The following ALPP variants were observed in gnomAD, a reference collection of about 807,000 sequenced individuals.
ALPP encodes alkaline phosphatase, placental type.
A neutral mutation model predicts 50.7 loss-of-function variants in ALPP; 39 were observed. That is an observed-to-expected ratio of 0.77 (90% CI 0.60 to 1.00). The LOEUF is 1.00. Among genes scored for constraint, ALPP ranks in the 50% least tolerant of loss-of-function variants. The pLI is 0.00. For missense variants in ALPP, 550 were observed against 746.8 expected (o/e 0.74, Z 3.07); for synonymous variants, 226 against 320.3 (o/e 0.71, Z 3.14).
In ALPP at chr2:232,379,854, C is replaced by G. The variant is rs147926516; in HGVS notation, c.575C>G (p.Ser192Trp). Residue 192 changes from serine (S) to tryptophan (W), a missense_variant, in exon 5 of 11, where the codon TCG becomes TGG. Ser to Trp is a radical substitution (Grantham distance 177, BLOSUM62 -3). Coordinates refer to ENST00000392027, the MANE Select transcript of ALPP (RefSeq NM_001632.5). ...CACACGGTGAACCGCAACTGGTACT[C>G]GGACGCCGACGTGCCTGCCTCCGCC... The part of the protein sequence containing the change: ...YAHTVNRNWY[S>W]DADVPASARQ... The G allele has an allele frequency of 1.7e-3, 2,699 of 1,613,550 alleles. 3 individuals are homozygous for G. The highest frequency in any genetic ancestry group is 4.9e-3 in the Admixed American group (293 of 60,018).
intron 9 of ALPP, 102 bp from the exon 10 acceptor site, chr2:232,381,149 G>A: frequency 1.7e-5 from 28 of 1,604,270 alleles, no homozygotes; most frequent in Non-Finnish European, 2.3e-5. Flanking sequence ...AGGGTCTCCT[G>A]AGGACTAAGC....
At position 232,379,707 on chromosome 2, in the gene ALPP, T is replaced by G. The variant is rs779808754; in HGVS notation, c.484+20T>G. 440 of 1,613,896 alleles carry G rather than the reference T, an allele frequency of 2.7e-4. No individual in the cohort carries two copies. Among genetic ancestry groups the G allele is most frequent in the Non-Finnish European group, 3.6e-4 (420 of 1,180,006 alleles). On this transcript the variant is annotated intron_variant, in intron 4 of 10. Coordinates refer to ENST00000392027, the MANE Select transcript of ALPP (RefSeq NM_001632.5). ...AAGCAGGTGAGCTGGGGCCCGCTGC[T>G]GGGTCACGGCCAGGTCACAGACGTT...
chr2:232,382,335 A>ACC lies in ALPP; in HGVS notation c.*546_*547dup, dbSNP rs1347722027. 6.3e-6 allele frequency: 1 copy of ACC among 158,652 alleles called. No homozygotes were observed. The highest frequency in any genetic ancestry group is 2.4e-5 in the African/African-American group (1 of 41,238). 9.8% of individuals were successfully genotyped at this position (158,652 alleles called of 1,614,324 possible). A position where few individuals can be genotyped will look rare whatever the true frequency, so the allele number is the denominator to read the frequency against. ...CACTAAGCTAATTCCACACCCCTGT[A>ACC]CCCCCCCAGGGGGCCCTCTGCCTCA... On this transcript the variant is annotated 3_prime_UTR_variant, in exon 11 of 11. Coordinates refer to ENST00000392027, the MANE Select transcript of ALPP (RefSeq NM_001632.5).
At position 232,381,978 on chromosome 2, in the gene ALPP, C is replaced by G. The variant is rs1696726908; in HGVS notation, c.*183C>G. 6.9e-6 allele frequency: 7 copies of G among 1,019,920 alleles called. No individual in the cohort carries two copies. The Admixed American group carries it at 1.4e-4, about 21-fold the overall frequency. The allele number at this position is 1,019,920 out of a possible 1,614,324, so 63.2% of individuals were successfully genotyped here. A position where few individuals can be genotyped will look rare whatever the true frequency, so the allele number is the denominator to read the frequency against. Reference sequence around the variant, plus strand: ...TGAGCCCATGACACCAAACCTGCCCCTTGGCTGCTCTCGGACTCCCTACCC... The same window carrying G: ...TGAGCCCATGACACCAAACCTGCCCGTTGGCTGCTCTCGGACTCCCTACCC... On this transcript the variant is annotated 3_prime_UTR_variant, in exon 11 of 11. Coordinates refer to ENST00000392027, the MANE Select transcript of ALPP (RefSeq NM_001632.5).
Position 232,380,329 on chromosome 2 carries a change from G to A in ALPP, c.792+9G>A. 3.1e-6 allele frequency: 5 copies of A among 1,613,628 alleles called. No homozygotes were observed. The highest frequency in any genetic ancestry group is 4.2e-6 in the Non-Finnish European group (5 of 1,179,962). Reference sequence around the variant, plus strand: ...GGCTGGCGAAGCGCCAGGTGATGGGGGCTGGCGGGTGCAGGGGGCACAGCA... The same window carrying A: ...GGCTGGCGAAGCGCCAGGTGATGGGAGCTGGCGGGTGCAGGGGGCACAGCA... On this transcript the variant is annotated intron_variant, in intron 6 of 10. Transcript: ENST00000392027.
rs766368940 is a variant in ALPP, at chr2:232,379,952, C to T, written c.657+16C>T. 6 of 1,595,626 alleles carry T rather than the reference C, an allele frequency of 3.8e-6. No individual in the cohort carries two copies. Among genetic ancestry groups the T allele is most frequent in the Non-Finnish European group, 4.3e-6 (5 of 1,170,786 alleles). On this transcript the variant is annotated intron_variant, in intron 5 of 10. Coordinates refer to ENST00000392027, the MANE Select transcript of ALPP (RefSeq NM_001632.5). ...GGACATTGACGTGCGACCCCCAGGC[C>T]AAGGGCTGGGGCTGGGCAGAGAGTA...
At chr2:232,381,458 T>C (rs899762076) in intron 10 of ALPP, 39 bp from the exon 11 acceptor site, 2 of 1,612,408 alleles carry the variant, frequency 1.2e-6, no homozygotes, top group African/African-American at 2.7e-5. Flanking sequence ...TGCCTGGAAC[T>C]GAATGAACCC....
rs776203558 is a variant in ALPP, at chr2:232,381,386, C to G, written c.1309+19C>G. The G allele has an allele frequency of 6.2e-7, 1 of 1,602,898 alleles. No individual in the cohort carries two copies. The highest frequency in any genetic ancestry group is 8.5e-7 in the Non-Finnish European group (1 of 1,171,004). On this transcript the variant is annotated intron_variant, in intron 10 of 10. Transcript: ENST00000392027. The stretch of plus-strand genomic sequence containing the variant: ...GAGAGCGGTGAGTGCCGCGGGGTGG[C>G]CCCCTGAGGGGGACCAGGGTGCCAA...
In ALPP at chr2:232,379,930, C is replaced by T. The variant is rs1229901339; in HGVS notation, c.651C>T (p.Asp217=). 21 of 1,605,024 alleles carry T rather than the reference C, an allele frequency of 1.3e-5. No homozygotes were observed. The highest frequency in any genetic ancestry group is 1.8e-5 in the Non-Finnish European group (21 of 1,175,462). ...DIATQLISNM[D]IDVILGGGRK... ...CTACGCAGCTCATCTCCAACATGGA[C>T]ATTGACGTGCGACCCCCAGGCCAAG... The change falls in exon 5 of 11, where the codon GAC becomes GAT. Residue 217 remains aspartate (D), a synonymous_variant. Coordinates refer to ENST00000392027, the MANE Select transcript of ALPP (RefSeq NM_001632.5).
Position 232,379,686 on chromosome 2 carries a change from A to C in ALPP, c.483A>C (p.Ala161=). 6.2e-7 allele frequency: 1 copy of C among 1,614,010 alleles called. No individual in the cohort carries two copies. Among genetic ancestry groups the C allele is most frequent in the Non-Finnish European group, 8.5e-7 (1 of 1,179,974 alleles). Reference sequence around the variant, plus strand: ...CCGTGATGAATCGGGCCAAGAAAGCAGGTGAGCTGGGGCCCGCTGCTGGGT... The same window carrying C: ...CCGTGATGAATCGGGCCAAGAAAGCCGGTGAGCTGGGGCCCGCTGCTGGGT... ...VISVMNRAKK[A]GKSVGVVTTT... Residue 161 remains alanine, a splice_region_variant and synonymous_variant, in exon 4 of 11, where the codon GCA becomes GCC. Transcript: ENST00000392027.
In ALPP at chr2:232,378,845, C is replaced by T. The variant is rs1222775713; in HGVS notation, c.43C>T (p.Leu15=). Residue 15 remains leucine (L), a synonymous_variant, in exon 1 of 11, where the codon CTG becomes TTG. Coordinates refer to ENST00000392027, the MANE Select transcript of ALPP (RefSeq NM_001632.5). ...CMLLLLLLLG[L]RLQLSLGIIP... is the part of the protein sequence containing the mutation. Reference sequence around the variant, plus strand: ...GCTGCTGCTGCTGCTGCTGCTGGGCCTGAGGCTACAGCTCTCCCTGGGCAT... The same window carrying T: ...GCTGCTGCTGCTGCTGCTGCTGGGCTTGAGGCTACAGCTCTCCCTGGGCAT... The T allele has an allele frequency of 1.2e-6, 2 of 1,614,070 alleles. No homozygotes were observed. The highest frequency in any genetic ancestry group is 1.7e-6 in the Non-Finnish European group (2 of 1,180,010).
At chr2:232,379,452 G>T in intron 3 of ALPP, 61 bp from the exon 4 acceptor site, 1 of 1,605,890 alleles carries the variant, frequency 6.2e-7, no homozygotes, top group Admixed American at 1.7e-5. Flanking sequence ...AGAGGACAGA[G>T]ATCAGGGTCT....
Position 232,380,207 on chromosome 2 carries a change from A to G in ALPP, c.679A>G (p.Lys227Glu). ...CCAGGTGATCCTAGGTGGAGGCCGA[A>G]AGTACATGTTTCGCATGGGAACCCC... is the stretch of plus-strand genomic sequence containing the variant. ...DIDVILGGGR[K>E]YMFRMGTPDP... is the part of the protein sequence containing the mutation. The change falls in exon 6 of 11, where the codon AAG becomes GAG. Residue 227 changes from lysine to glutamate, a missense_variant. By Grantham distance (56) the Lys-to-Glu change is moderately conservative (BLOSUM62 1). Around this residue, in one of 5 missense-constraint regions of ALPP, gnomAD observed 376 missense variants for 388.5 expected, o/e 0.97. Transcript: ENST00000392027. 1 of 1,614,110 alleles carries G rather than the reference A, an allele frequency of 6.2e-7. No homozygotes were observed. Among genetic ancestry groups the G allele is most frequent in the East Asian group, 2.2e-5 (1 of 44,850 alleles).
In ALPP at chr2:232,379,102, C is replaced by A; in HGVS notation, c.193+15C>A. On this transcript the variant is annotated intron_variant, in intron 2 of 10. Coordinates refer to ENST00000392027, the MANE Select transcript of ALPP (RefSeq NM_001632.5). ...CCTGGGCGATGGTGAGTGAGCCAGG[C>A]CTTCCAGCCCTGCAGCCCTCACAGC... 1 of 1,614,132 alleles carries A rather than the reference C, an allele frequency of 6.2e-7. No homozygotes were observed. The highest frequency in any genetic ancestry group is 8.5e-7 in the Non-Finnish European group (1 of 1,180,014).
rs750792069 is a variant in ALPP at position 232,379,702 on chromosome 2, G to A, written c.484+15G>A. 51 of 1,613,810 alleles carry A rather than the reference G, an allele frequency of 3.2e-5. No homozygotes were observed. The highest frequency in any genetic ancestry group is 1.6e-4 in the East Asian group (7 of 44,886). Reference sequence around the variant, plus strand: ...CAAGAAAGCAGGTGAGCTGGGGCCCGCTGCTGGGTCACGGCCAGGTCACAG... The same window carrying A: ...CAAGAAAGCAGGTGAGCTGGGGCCCACTGCTGGGTCACGGCCAGGTCACAG... On this transcript the variant is annotated intron_variant, in intron 4 of 10. Coordinates refer to ENST00000392027, the MANE Select transcript of ALPP (RefSeq NM_001632.5).
rs1696725170 is a variant in ALPP, at chr2:232,381,909, A to G, written c.*114A>G. 7.0e-7 allele frequency: 1 copy of G among 1,435,152 alleles called. No homozygotes were observed. Among genetic ancestry groups the G allele is most frequent in the Non-Finnish European group, 9.2e-7 (1 of 1,088,890 alleles). The allele number at this position is 1,435,152 out of a possible 1,614,324, so 88.9% of individuals were successfully genotyped here. ...CGTCATCCCCGGAGTCCCTATACAG[A>G]GGTCCTGCCATGGAACCTTCCCCTC... On this transcript the variant is annotated 3_prime_UTR_variant, in exon 11 of 11. Transcript: ENST00000392027.
rs1696649900 is a variant in ALPP at position 232,378,994 on chromosome 2, T to A, written c.100T>A (p.Trp34Arg). The A allele has an allele frequency of 3.1e-6, 5 of 1,614,142 alleles. No homozygotes were observed. In the East Asian group the frequency reaches 1.1e-4, roughly 36 times the overall value. Residue 34 changes from tryptophan to arginine, a missense_variant, in exon 2 of 11, where the codon TGG becomes AGG. Trp to Arg is a moderately radical substitution (Grantham distance 101, BLOSUM62 -3). This residue lies in a region of ALPP where 376 missense variants were observed against 388.5 expected (regional missense o/e 0.97). Transcript: ENST00000392027. The part of the protein sequence containing the change: ...IPVEEENPDF[W>R]NREAAEALGA... ...AGTTGAGGAGGAGAACCCGGACTTC[T>A]GGAACCGCGAGGCAGCCGAGGCCCT...
rs1049151 is a variant in ALPP, at chr2:232,382,431, A to G, written c.*636A>G. The G allele has an allele frequency of 6.5e-6, 1 of 153,064 alleles. No individual in the cohort carries two copies. Among genetic ancestry groups the G allele is most frequent in the East Asian group, 1.9e-4 (1 of 5,182 alleles). 9.5% of individuals were successfully genotyped at this position (153,064 alleles called of 1,614,324 possible). A position where few individuals can be genotyped will look rare whatever the true frequency, so the allele number is the denominator to read the frequency against. On this transcript the variant is annotated 3_prime_UTR_variant, in exon 11 of 11. Coordinates refer to ENST00000392027, the MANE Select transcript of ALPP (RefSeq NM_001632.5). ...CCCCACATGCCAATTTCAGCACCCA[A>G]CTGAGATCCGAGGAGCTCCTGGGAA...
Position 232,379,904 on chromosome 2 carries a change from G to T in ALPP, c.625G>T (p.Ala209Ser), listed in dbSNP as rs138033708. ...CCGCCAGGAGGGGTGCCAGGACATC[G>T]CTACGCAGCTCATCTCCAACATGGA... Reference protein sequence around the residue: ...SARQEGCQDIATQLISNMDID... With the variant: ...SARQEGCQDISTQLISNMDID... Residue 209 changes from alanine (A) to serine (S), a missense_variant, in exon 5 of 11, where the codon GCT becomes TCT. By Grantham distance (99) the Ala-to-Ser change is moderately conservative. This residue lies in a region of ALPP where 376 missense variants were observed against 388.5 expected (regional missense o/e 0.97). Coordinates refer to ENST00000392027, the MANE Select transcript of ALPP (RefSeq NM_001632.5). 2.9e-4 allele frequency: 469 copies of T among 1,612,098 alleles called. No individual in the cohort carries two copies. The highest frequency in any genetic ancestry group is 3.8e-4 in the Non-Finnish European group (453 of 1,179,280).
Sources: gnomAD v4.1 joint callset for allele counts on GRCh38, gnomAD v4.1.1 for gene constraint, gnomAD v4.1.1 regional missense constraint, MANE v1.5 for transcripts, NCBI Gene and HGNC (gene_info 2026-07-23, HGNC 2026-07-21) for gene names.